Variants in CPVL observed in about 807,000 individuals in gnomAD.
CPVL encodes carboxypeptidase vitellogenic like.
A neutral mutation model predicts 63.7 loss-of-function variants in CPVL; 51 were observed. The observed-to-expected ratio is 0.80, with a 90% confidence interval of 0.64 to 1.01. CPVL has a LOEUF of 1.01. Among genes scored for constraint, CPVL ranks in the 50% least tolerant of loss-of-function variants. CPVL has a pLI of 0.00. For synonymous variants in CPVL, 195 were observed against 206.0 expected (o/e 0.95, Z 0.46); for missense variants, 530 against 573.1 (o/e 0.92, Z 0.77).
intron 3 of CPVL, chr7:29,096,547 AT>A: frequency 3.0e-6 from 1 of 338,968 alleles, no homozygotes; most frequent in Non-Finnish European, 5.5e-6. Context: ...ATGGTTATAT[AT>A]TTTTAGCTGT....
chr7:29,005,043 T>A (rs1228911144), intron 12 of CPVL, among the ~76,000 whole-genome samples: 2 of 149,074 alleles, frequency 1.3e-5, no homozygotes, highest in Admixed American at 1.4e-4. Flanking sequence ...ATTACAGGCA[T>A]ACGCCACTAC....
intron 11 of CPVL, among the ~76,000 whole-genome samples, chr7:29,057,889 CTTAA>C (rs1218765724): frequency 2.6e-5 from 4 of 152,152 alleles, no homozygotes; most frequent in Non-Finnish European, 4.4e-5. Flanking sequence ...CAATGCCATA[CTTAA>C]TTATTACAAT....
intron 3 of CPVL, among the ~76,000 whole-genome samples, chr7:29,105,134 T>C (rs1242687656): frequency 6.6e-6 from 1 of 152,162 alleles, no homozygotes; most frequent in East Asian, 1.9e-4. Context: ...GTTAGATACA[T>C]TTTGAGATAT....
intron 5 of CPVL, among the ~76,000 whole-genome samples, chr7:29,170,414 G>T (rs1363516747): frequency 6.6e-6 from 1 of 152,034 alleles, no homozygotes. Flanking sequence ...CCAAAGATTT[G>T]CCCTTTCTTT....
intron 11 of CPVL, among the ~76,000 whole-genome samples, chr7:29,054,997 T>C (rs182967943): frequency 6.6e-6 from 1 of 152,340 alleles, no homozygotes; most frequent in Admixed American, 6.5e-5. Flanking sequence ...TTCTCATTTA[T>C]TGCTTGTTTT....
intron 5 of CPVL, among the ~76,000 whole-genome samples, chr7:29,171,188 G>A (rs1006990053): frequency 1.3e-5 from 2 of 152,082 alleles, no homozygotes; most frequent in South Asian, 2.1e-4. Flanking sequence ...GCTTACATAC[G>A]CACTGCTCTT....
At chr7:29,135,386 C>T (rs1791099908) in intron 1 of CPVL, among the ~76,000 whole-genome samples, 1 of 151,070 alleles carries the variant, frequency 6.6e-6, no homozygotes, top group African/African-American at 2.4e-5. Flanking sequence ...GGCTGGAGTG[C>T]AGTGGCGCGA....
chr7:29,014,028 G>A (rs1298693358), intron 12 of CPVL, among the ~76,000 whole-genome samples: 1 of 152,204 alleles, frequency 6.6e-6, no homozygotes, highest in East Asian at 1.9e-4. Flanking sequence ...TTCCACAGGT[G>A]TTGGTCTCTA....
chr7:29,120,320 G>A (rs1191570802), intron 2 of CPVL, among the ~76,000 whole-genome samples: 1 of 152,070 alleles, frequency 6.6e-6, no homozygotes, highest in Non-Finnish European at 1.5e-5. Flanking sequence ...TACTCAGGAG[G>A]CTGAGGCAGG....
upstream of CPVL, chr7:29,146,667 TTCCCATGCTG>T: frequency 6.4e-7 from 1 of 1,550,562 alleles, no homozygotes. Context: ...AAGTCAGCGC[TTCCCATGCTG>T]GAAGAAGCAA....
chr7:29,072,032 T>G, intron 8 of CPVL, 128 bp from the exon 9 acceptor site: 1 of 1,117,798 alleles, frequency 8.9e-7, no homozygotes, highest in South Asian at 1.5e-5. Flanking sequence ...GTAGGATAAT[T>G]ACATGCACAC....
At chr7:29,085,242 G>A (rs760688184) in intron 7 of CPVL, among the ~76,000 whole-genome samples, 3 of 152,218 alleles carry the variant, frequency 2.0e-5, no homozygotes, top group Non-Finnish European at 4.4e-5. Flanking sequence ...AGTACAAGAT[G>A]CTTCTGGAAC....
At chr7:29,084,607 C>T (rs575014691) in intron 7 of CPVL, among the ~76,000 whole-genome samples, 4 of 152,220 alleles carry the variant, frequency 2.6e-5, no homozygotes, top group Middle Eastern at 3.4e-3. Flanking sequence ...CCTAGAACTG[C>T]ACCTGTGTTC....
At chr7:29,129,476 C>CCT (rs763142606) in intron 1 of CPVL, among the ~76,000 whole-genome samples, 1 of 146,484 alleles carries the variant, frequency 6.8e-6, no homozygotes, top group Middle Eastern at 3.3e-3. Context: ...TTTGCCATTA[C>CCT]TTTTTTTTTT....
intron 11 of CPVL, among the ~76,000 whole-genome samples, chr7:29,052,185 G>A (rs1357853105): frequency 6.6e-6 from 1 of 151,716 alleles, no homozygotes; most frequent in African/African-American, 2.4e-5. Context: ...CAAACAGGGT[G>A]TGTTGTGTAC....
intron 1 of CPVL, among the ~76,000 whole-genome samples, chr7:29,131,740 T>A (rs546780559): frequency 6.6e-6 from 1 of 152,234 alleles, no homozygotes; most frequent in Non-Finnish European, 1.5e-5. Context: ...CTCGAGCTCC[T>A]GGGCTCAAGC....
rs10568146 is a variant in CPVL at position 29,103,180 on chromosome 7, T to TGGGGGGGGGGGGG, written c.289-6976_289-6964dup. Among the ~76,000 whole-genome samples, 2 of 56,152 alleles carry TGGGGGGGGGGGGG rather than the reference T, an allele frequency of 3.6e-5. 1 individual carries two copies. The highest frequency in any genetic ancestry group is 1.1e-4 in the African/African-American group (2 of 18,962). The allele number at this position is 56,152 out of a possible 152,430, so 36.8% of individuals were successfully genotyped here. A position where few individuals can be genotyped will look rare whatever the true frequency, so the allele number is the denominator to read the frequency against. Reference sequence around the variant, plus strand: ...TCACTGAAACAGTAAGTTAATATACTGGGGGGGGGGGGGGGGTGCTAAAAA... The same window carrying TGGGGGGGGGGGGG: ...TCACTGAAACAGTAAGTTAATATACTGGGGGGGGGGGGGGGGGGGGGGGGGGGGGTGCTAAAAA... On this transcript the variant is annotated intron_variant, in intron 3 of 12. Coordinates refer to ENST00000265394, the MANE Select transcript of CPVL (RefSeq NM_031311.5).
At chr7:29,053,506 A>G (rs1790405571) in intron 11 of CPVL, among the ~76,000 whole-genome samples, 2 of 152,256 alleles carry the variant, frequency 1.3e-5, no homozygotes. Flanking sequence ...GCACAATTTC[A>G]TTTATAAGAA....
At chr7:29,187,176 C>T (rs956872534) in intron 1 of CPVL, among the ~76,000 whole-genome samples, 1 of 152,084 alleles carries the variant, frequency 6.6e-6, no homozygotes, top group Non-Finnish European at 1.5e-5. Context: ...TGTTGGTTTC[C>T]ACTCCTTTAT....
Sources: allele counts gnomAD v4.1 joint callset (sites outside exome capture counted in the v4.1 genomes callset), GRCh38; gene constraint gnomAD v4.1.1; transcripts MANE v1.5; gene names NCBI Gene and HGNC (gene_info 2026-07-23, HGNC 2026-07-21).